The following TFAP2A variants were observed in gnomAD, a reference collection of about 807,000 sequenced individuals.
The protein encoded by TFAP2A is transcription factor AP-2-alpha.
In TFAP2A, 7 loss-of-function variants were observed where a neutral mutation model predicts 41.5. The ratio of observed to expected loss-of-function variants is 0.17; its 90% CI spans 0.10 to 0.32. The LOEUF is 0.32. TFAP2A is among the 10% of genes least tolerant of loss of function. TFAP2A has a pLI of 1.00. For missense variants in TFAP2A, 416 were observed against 563.3 expected (o/e 0.74, Z 2.65); for synonymous variants, 247 against 242.8 (o/e 1.02, Z -0.16).
chr6:10,400,431 A>G lies in TFAP2A; in HGVS notation c.1031+17T>C, dbSNP rs1299214415. The G allele has an allele frequency of 6.2e-7, 1 of 1,614,096 alleles. No individual in the cohort carries two copies. Among genetic ancestry groups the G allele is most frequent in the East Asian group, 2.2e-5 (1 of 44,898 alleles). ...TGACAACGAGACACAGAGACCCCATAGAGGTAAATGCCTTACTTTGTAGCC... is the reference window on the plus strand; with the variant it reads ...TGACAACGAGACACAGAGACCCCATGGAGGTAAATGCCTTACTTTGTAGCC... On this transcript the variant is annotated intron_variant, in intron 6 of 6. Transcript: ENST00000379613.
chr6:10,415,557 T>G (rs1325873326), upstream of TFAP2A: 1 of 218,910 alleles, frequency 4.6e-6, no homozygotes, highest in Admixed American at 5.1e-5. Context: ...AGAGATGCCT[T>G]CTGCAAAGCC....
chr6:10,410,178 T>G lies in TFAP2A; in HGVS notation c.209A>C (p.Gln70Pro). ...GACGTGGGAGTAAGGATCTTGCGACTGGGGGTAGATAGGCTGGTAGGGTGG... is the reference window on the plus strand; with the variant it reads ...GACGTGGGAGTAAGGATCTTGCGACGGGGGGTAGATAGGCTGGTAGGGTGG... ...FPPPYQPIYP[Q>P]SQDPYSHVND... Residue 70 changes from glutamine (Q) to proline (P), a missense_variant, in exon 2 of 7, where the codon CAG becomes CCG. Around this residue, in one of 3 missense-constraint regions of TFAP2A, gnomAD observed 241 missense variants for 274.1 expected, o/e 0.88. Coordinates refer to ENST00000379613, the MANE Select transcript of TFAP2A (RefSeq NM_001372066.1). The G allele has an allele frequency of 8.1e-7, 1 of 1,238,910 alleles. No individual in the cohort carries two copies. The highest frequency in any genetic ancestry group is 1.0e-6 in the Non-Finnish European group (1 of 958,954). The allele number at this position is 1,238,910 out of a possible 1,614,324, so 76.7% of individuals were successfully genotyped here. A position where few individuals can be genotyped will look rare whatever the true frequency, so the allele number is the denominator to read the frequency against.
upstream of TFAP2A, chr6:10,416,914 G>C (rs1758266131): frequency 6.6e-6 from 1 of 152,408 alleles, no homozygotes; most frequent in Non-Finnish European, 1.5e-5. Context: ...GGCCTCCCTT[G>C]CCCTACCTGA....
chr6:10,414,833 T>C, intron 1 of TFAP2A, 108 bp downstream of exon 1: 2 of 1,482,154 alleles, frequency 1.3e-6, no homozygotes, highest in Non-Finnish European at 1.9e-6. Context: ...CTGGGGAAAG[T>C]TTGTCCCACC....
intron 1 of TFAP2A, chr6:10,412,181 G>A (rs1758000568): frequency 1.0e-6 from 1 of 987,598 alleles, no homozygotes; most frequent in Non-Finnish European, 1.2e-6. Flanking sequence ...TGGGGAGAGG[G>A]AGCGCGAGAG....
upstream of TFAP2A, chr6:10,415,374 G>A (rs138880362): frequency 8.8e-5 from 81 of 918,302 alleles, no homozygotes; most frequent in African/African-American, 1.3e-3. Context: ...CGGCCGCTCC[G>A]ACACAGGTAT....
intron 1 of TFAP2A, chr6:10,411,521 A>C: frequency 6.2e-7 from 1 of 1,613,460 alleles, no homozygotes. Flanking sequence ...CCAGGTTTCC[A>C]GAATCCAATT....
chr6:10,398,456 G>T lies in TFAP2A; in HGVS notation c.1281C>A (p.Asn427Lys), dbSNP rs749620758. ...TCTCCTCTTTGTCACTGCTTTTGGC[G>T]TTGTTGTCCGTGTGGCTGTTGGGGT... ...SNNPNSHTDN[N>K]AKSSDKEEKH... Residue 427 changes from asparagine (N) to lysine (K), a missense_variant, in exon 7 of 7, where the codon AAC (asparagine) becomes AAA (lysine). Coordinates refer to ENST00000379613, the MANE Select transcript of TFAP2A (RefSeq NM_001372066.1). This position sits in a 1 kb window ranked among gnomAD's most constrained non-coding sequence, Gnocchi z 5.3. The T allele has an allele frequency of 6.2e-7, 1 of 1,614,230 alleles. No individual in the cohort carries two copies. Among genetic ancestry groups the T allele is most frequent in the East Asian group, 2.2e-5 (1 of 44,884 alleles).
In TFAP2A at chr6:10,410,097, C is replaced by G; in HGVS notation, c.290G>C (p.Gly97Ala). The G allele has an allele frequency of 1.2e-6, 2 of 1,612,696 alleles. No individual in the cohort carries two copies. The highest frequency in any genetic ancestry group is 1.7e-6 in the Non-Finnish European group (2 of 1,179,768). Residue 97 changes from glycine (G) to alanine (A), a missense_variant, in exon 2 of 7, where the codon GGC becomes GCC. Physicochemically the swap from Gly to Ala is moderately conservative, Grantham distance 60 (BLOSUM62 0). Transcript: ENST00000379613. ...CTGGCTCTGCCTCTGGCCGGGCCAG[C>G]CTGGGTGCTGCGGCTGCGGCTGGGC... ...LHAQPQPQHP[G>A]WPGQRQSQES...
At chr6:10,405,560 T>C (rs1365537850) in intron 3 of TFAP2A, 1 of 150,728 alleles carries the variant, frequency 6.6e-6, no homozygotes, top group African/African-American at 2.5e-5. Context: ...CATAAGCTCT[T>C]TATTGCTGGA....
At chr6:10,412,052 A>C in intron 1 of TFAP2A, 1 of 1,013,036 alleles carries the variant, frequency 9.9e-7, no homozygotes, top group South Asian at 4.1e-5. Flanking sequence ...TTAATATTAC[A>C]CGAATACTTA....
intron 1 of TFAP2A, chr6:10,412,611 C>T (rs2113217301): frequency 8.1e-6 from 2 of 247,660 alleles, no homozygotes; most frequent in South Asian, 3.2e-5. Context: ...CCTCGGGATG[C>T]AGCGGGGGTC....
Position 10,414,960 on chromosome 6 carries a change from ATAT to A in TFAP2A, c.29_31del (p.Asn10del), listed in dbSNP as rs1385322314. On this transcript the variant is annotated inframe_deletion, in exon 1 of 7. Coordinates refer to ENST00000379613, the MANE Select transcript of TFAP2A (RefSeq NM_001372066.1). Reference sequence around the variant, plus strand: ...GCTTACCTCGCAGTCCTCGTACTTGATATTATCCGTCAATTTCCAAAGCATTTT... The same window carrying A: ...GCTTACCTCGCAGTCCTCGTACTTGATATCCGTCAATTTCCAAAGCATTTT... The A allele has an allele frequency of 3.7e-6, 6 of 1,613,904 alleles. No homozygotes were observed. Among genetic ancestry groups the A allele is most frequent in the Non-Finnish European group, 5.1e-6 (6 of 1,180,016 alleles).
At chr6:10,406,673 T>C in intron 3 of TFAP2A, 120 bp downstream of exon 3, 1 of 858,170 alleles carries the variant, frequency 1.2e-6, no homozygotes, top group Non-Finnish European at 2.0e-6. Flanking sequence ...GCCTATCTAT[T>C]TGCTAATTCT....
In TFAP2A at chr6:10,398,215, C is replaced by T; in HGVS notation, c.*202G>A. The stretch of plus-strand genomic sequence containing the variant: ...GGGGAGGTCGAGGCGGGTGCAGAGT[C>T]GGAGAGGCTGCCCCACTGACAGTCG... On this transcript the variant is annotated 3_prime_UTR_variant, in exon 7 of 7. Coordinates refer to ENST00000379613, the MANE Select transcript of TFAP2A (RefSeq NM_001372066.1). The surrounding 1 kb of genome is among the most constrained non-coding windows in gnomAD (Gnocchi z 5.3). 2 of 1,473,818 alleles carry T rather than the reference C, an allele frequency of 1.4e-6. No individual in the cohort carries two copies. The highest frequency in any genetic ancestry group is 2.8e-5 in the African/African-American group (2 of 71,508). The allele number at this position is 1,473,818 out of a possible 1,614,324, so 91.3% of individuals were successfully genotyped here. A position where few individuals can be genotyped will look rare whatever the true frequency, so the allele number is the denominator to read the frequency against.
At chr6:10,415,173 G>GAGGA, upstream of TFAP2A, 1 of 1,506,466 alleles carries the variant, frequency 6.6e-7, no homozygotes, top group Non-Finnish European at 8.9e-7. Flanking sequence ...GGAAGAGGAG[G>GAGGA]GCGAGGAGGA....
chr6:10,419,433 T>G, upstream of TFAP2A: 2 of 1,613,950 alleles, frequency 1.2e-6, no homozygotes, highest in Non-Finnish European at 1.7e-6. Flanking sequence ...AGTCCCCCAT[T>G]TTGGCAAGTA....
intron 1 of TFAP2A, chr6:10,411,917 T>C (rs1235954511): frequency 5.7e-6 from 7 of 1,225,632 alleles, no homozygotes; most frequent in Middle Eastern, 3.4e-4. Flanking sequence ...TGTGAGTGTG[T>C]GGGTGCGTGC....
In TFAP2A at chr6:10,398,900, A is replaced by G. The variant is rs935838372; in HGVS notation, c.1032-195T>C. On this transcript the variant is annotated intron_variant, in intron 6 of 6. Transcript: ENST00000379613. This position sits in a 1 kb window ranked among gnomAD's most constrained non-coding sequence, Gnocchi z 5.3. ...GCCACCTTTCAGTGACCACTAAACC[A>G]TCTCTCTTTACTTCCTACCTTCACA... is the stretch of plus-strand genomic sequence containing the variant. Among the ~76,000 whole-genome samples the G allele has an allele frequency of 3.3e-5, 5 of 152,018 alleles. No individual in the cohort carries two copies. The highest frequency in any genetic ancestry group is 1.2e-4 in the African/African-American group (5 of 41,390).
Sources: gnomAD v4.1 joint callset for allele counts (sites outside exome capture counted in the v4.1 genomes callset) on GRCh38, gnomAD v4.1.1 for gene constraint, gnomAD v4.1.1 regional missense constraint, Gnocchi (gnomAD v3.1) non-coding constraint, MANE v1.5 for transcripts, NCBI Gene and HGNC (gene_info 2026-07-23, HGNC 2026-07-21) for gene names.